The following GNL3L variants were observed in gnomAD, a reference collection of about 807,000 sequenced individuals.
The protein encoded by GNL3L is G protein nucleolar 3 like.
A neutral mutation model predicts 42.9 loss-of-function variants in GNL3L; 4 were observed. The observed-to-expected ratio is 0.09, with a 90% CI of 0.05 to 0.21. The LOEUF is 0.21. GNL3L is among the 10% of genes least tolerant of loss of function. The pLI, the probability that GNL3L is intolerant of heterozygous loss-of-function variation, is 1.00. For synonymous variants in GNL3L, 159 were observed against 176.3 expected (o/e 0.90, Z 0.78); for missense variants, 412 against 481.7 (o/e 0.86, Z 1.36).
At chrX:54,594,725 C>T (rs1186754030) in intron 16 of GNL3L, among the ~76,000 whole-genome samples, 1 of 110,070 alleles carries the variant, frequency 9.1e-6, no homozygotes, top group Admixed American at 9.7e-5. Flanking sequence ...AGGTGATTTT[C>T]TCTGGTGGGA....
chrX:54,585,551 CATA>C (rs1358182071), intron 16 of GNL3L, among the ~76,000 whole-genome samples: 4 of 111,710 alleles, frequency 3.6e-5, no homozygotes, highest in Admixed American at 2.9e-4. Flanking sequence ...TGTAATTGTT[CATA>C]ATAATATCTT....
At chrX:54,531,127 AAAC>A in intron 1 of GNL3L, among the ~76,000 whole-genome samples, 1 of 111,963 alleles carries the variant, frequency 8.9e-6, no homozygotes, top group Non-Finnish European at 1.9e-5. Context: ...GCTTCGAAGC[AAAC>A]AGGAACAGAC....
chrX:54,540,816 C>T lies in GNL3L; in HGVS notation c.190-457C>T, dbSNP rs181964539. On this transcript the variant is annotated intron_variant, in intron 4 of 15. Transcript: ENST00000360845. ...GGGATTACAGGCATGCACCACCACG[C>T]CCAGCTAATTTTGTATTTTTAGTAG... Among the ~76,000 whole-genome samples, 4 of 111,015 alleles carry T rather than the reference C, an allele frequency of 3.6e-5. No homozygotes were observed. In the Admixed American group the frequency reaches 3.8e-4, roughly 11 times the overall value.
chrX:54,550,902 G>T, intron 9 of GNL3L, 61 bp from the exon 10 acceptor site: 1 of 657,070 alleles, frequency 1.5e-6, no homozygotes, highest in Non-Finnish European at 2.5e-6. Flanking sequence ...CCCTCACACA[G>T]GCTGGCCTGA....
At chrX:54,625,815 C>T (rs771189709), downstream of GNL3L, among the ~76,000 whole-genome samples, 13 of 110,922 alleles carry the variant, frequency 1.2e-4, no homozygotes, top group East Asian at 8.5e-4. Flanking sequence ...TCAAAATTTT[C>T]GGACAATGAC....
exon 17 of GNL3L, among the ~76,000 whole-genome samples, chrX:54,621,249 T>C (rs1926283091): frequency 1.8e-5 from 2 of 112,248 alleles, no homozygotes; most frequent in Admixed American, 9.5e-5. Flanking sequence ...TTTGCCTGAT[T>C]AATTGGAACA....
At chrX:54,639,904 G>A in the GNL3L span, among the ~76,000 whole-genome samples, 60 of 109,708 alleles carry the variant, frequency 5.5e-4, no homozygotes, top group Non-Finnish European at 1.1e-3. Flanking sequence ...ACTAGGGGAT[G>A]GAGGGCCCCA....
chrX:54,644,412 A>C, the GNL3L span, among the ~76,000 whole-genome samples: 1 of 112,313 alleles, frequency 8.9e-6, no homozygotes, highest in African/African-American at 3.2e-5. Flanking sequence ...TTTTACAGTT[A>C]AATCTTTGAT....
At position 54,565,052 on chromosome X, in the gene GNL3L, G is replaced by A. The variant is rs1441048714; in HGVS notation, c.*4450G>A. Among the ~76,000 whole-genome samples the A allele has an allele frequency of 9.0e-6, 1 of 111,230 alleles. No homozygotes were observed. Among genetic ancestry groups the A allele is most frequent in the Non-Finnish European group, 1.9e-5 (1 of 53,093 alleles). On this transcript the variant is annotated 3_prime_UTR_variant, in exon 16 of 16. Transcript: ENST00000360845. ...GTCCGGCCATATATTTTCGTCTTTT[G>A]AAGACTGTTATATACATGAAATTAT...
the GNL3L span, among the ~76,000 whole-genome samples, chrX:54,643,244 A>AT: frequency 1.8e-5 from 2 of 111,173 alleles, no homozygotes; most frequent in Non-Finnish European, 3.8e-5. Flanking sequence ...TTTAGTGGTT[A>AT]TTTTTTTCTA....
chrX:54,566,416 A>G lies in GNL3L; in HGVS notation c.*5814A>G, dbSNP rs181767094. On this transcript the variant is annotated 3_prime_UTR_variant, in exon 16 of 16. Transcript: ENST00000360845. ...TGAACATATGTGTGCATGTGTCTTTATGGCAGAATGATTTATATTATGCAT... is the reference window on the plus strand; with the variant it reads ...TGAACATATGTGTGCATGTGTCTTTGTGGCAGAATGATTTATATTATGCAT... Among the ~76,000 whole-genome samples the G allele has an allele frequency of 4.4e-4, 49 of 111,618 alleles. No individual in the cohort carries two copies. Among genetic ancestry groups the G allele is most frequent in the African/African-American group, 1.5e-3 (47 of 30,695 alleles).
In GNL3L at chrX:54,532,960, T is replaced by C. The variant is rs1019753489; in HGVS notation, c.19+375T>C. On this transcript the variant is annotated intron_variant, in intron 2 of 15. Coordinates refer to ENST00000360845, the MANE Select transcript of GNL3L (RefSeq NM_001184819.2). ...AGGCATGAGCCACTGCGCCCAGCCT[T>C]CACAGCAACTTTTAAAAACTGTTGA... Among the ~76,000 whole-genome samples, 3 of 111,968 alleles carry C rather than the reference T, an allele frequency of 2.7e-5. No homozygotes were observed. The Admixed American group carries it at 2.9e-4, about 11-fold the overall frequency.
intron 16 of GNL3L, among the ~76,000 whole-genome samples, chrX:54,619,900 C>T (rs1325750963): frequency 3.6e-5 from 4 of 111,755 alleles, no homozygotes; most frequent in Non-Finnish European, 7.5e-5. Flanking sequence ...TGTTCACTAG[C>T]AGAAACATTA....
At chrX:54,625,921 A>C (rs1242791338), downstream of GNL3L, among the ~76,000 whole-genome samples, 1 of 111,247 alleles carries the variant, frequency 9.0e-6, no homozygotes, top group Non-Finnish European at 1.9e-5. Flanking sequence ...GACAGGTAAT[A>C]ATTATACATA....
intron 16 of GNL3L, among the ~76,000 whole-genome samples, chrX:54,576,358 A>G (rs1225990574): frequency 8.9e-6 from 1 of 112,220 alleles, no homozygotes; most frequent in African/African-American, 3.2e-5. Flanking sequence ...AGAATGGTAT[A>G]TCTTTTACTG....
rs764276925 is a variant in GNL3L, at chrX:54,615,049, A to G, written c.*46-5796A>G. 2.7e-5 allele frequency among the ~76,000 whole-genome samples: 3 copies of G among 112,027 alleles called. No homozygotes were observed. In the East Asian group the frequency reaches 8.4e-4, roughly 31 times the overall value. On this transcript the variant is annotated intron_variant, in intron 16 of 16. Coordinates refer to the GNL3L transcript ENST00000674498. ...TCTCATCACCCCAAAAGAAAACCCT[A>G]TTACCATCAAGAAATCAATTCCCAT...
downstream of GNL3L, among the ~76,000 whole-genome samples, chrX:54,622,324 G>A (rs1470948015): frequency 1.3e-5 from 1 of 78,710 alleles, no homozygotes; most frequent in African/African-American, 5.5e-5. Context: ...TTGCTCCGTC[G>A]CCCAGGCTGG....
At chrX:54,642,888 A>T in the GNL3L span, among the ~76,000 whole-genome samples, 1 of 112,207 alleles carries the variant, frequency 8.9e-6, no homozygotes, top group Non-Finnish European at 1.9e-5. Context: ...ATGTAAGTTC[A>T]ATCAATATTT....
At chrX:54,560,045 C>A (rs1925213229) in intron 15 of GNL3L, among the ~76,000 whole-genome samples, 1 of 110,313 alleles carries the variant, frequency 9.1e-6, no homozygotes, top group Non-Finnish European at 1.9e-5. Context: ...TAGGGGTGAT[C>A]AGAGAAGGCC....
Sources: allele counts gnomAD v4.1 joint callset (sites outside exome capture counted in the v4.1 genomes callset), GRCh38; gene constraint gnomAD v4.1.1; transcripts MANE v1.5; gene names NCBI Gene and HGNC (gene_info 2026-07-23, HGNC 2026-07-21).